The following TMEM120B variants were observed in gnomAD, a reference collection of about 807,000 sequenced individuals.
TMEM120B encodes transmembrane protein 120B.
A neutral mutation model predicts 55.5 loss-of-function variants in TMEM120B; 31 were observed. The observed-to-expected ratio is 0.56, with a 90% CI of 0.42 to 0.75. TMEM120B has a LOEUF of 0.75. Ranked by LOEUF, TMEM120B falls within the 30% of genes least tolerant of loss-of-function variation. The pLI is 0.00. For missense variants in TMEM120B, 399 were observed against 425.5 expected (o/e 0.94, Z 0.55); for synonymous variants, 203 against 176.3 (o/e 1.15, Z -1.20).
In TMEM120B at chr12:121,770,855, G is replaced by A. The variant is rs1408435409; in HGVS notation, c.552-52G>A. On this transcript the variant is annotated intron_variant, in intron 6 of 11. Transcript: ENST00000449592. ...TAGGTGGGGCCTCAGCGAGACACATGCCTGCGTTGCTCTCCCCTCCTGAGC... is the reference window on the plus strand; with the variant it reads ...TAGGTGGGGCCTCAGCGAGACACATACCTGCGTTGCTCTCCCCTCCTGAGC... 2.6e-6 allele frequency: 4 copies of A among 1,560,698 alleles called. No individual in the cohort carries two copies. In the East Asian group the frequency reaches 6.7e-5, roughly 26 times the overall value.
Position 121,775,879 on chromosome 12 carries a change from CTGTCCGCACAG to C in TMEM120B, c.*165_*175del. The C allele has an allele frequency of 1.3e-6, 1 of 757,652 alleles. No individual in the cohort carries two copies. The highest frequency in any genetic ancestry group is 2.7e-5 in the East Asian group (1 of 37,290). 46.9% of individuals were successfully genotyped at this position (757,652 alleles called of 1,614,324 possible). ...TGGTCTAGAGGAATGTGAGCCCCGCCTGTCCGCACAGTGTCCGCCCACCTATTTATGACATA... is the reference window on the plus strand; with the variant it reads ...TGGTCTAGAGGAATGTGAGCCCCGCCTGTCCGCCCACCTATTTATGACATA... On this transcript the variant is annotated 3_prime_UTR_variant, in exon 12 of 12. Coordinates refer to ENST00000449592, the MANE Select transcript of TMEM120B (RefSeq NM_001080825.2). This position sits in a 1 kb window ranked among gnomAD's most constrained non-coding sequence, Gnocchi z 4.3.
intron 1 of TMEM120B, among the ~76,000 whole-genome samples, chr12:121,730,647 CAAA>C (rs71079088): frequency 7.4e-5 from 7 of 94,508 alleles, no homozygotes; most frequent in Admixed American, 1.1e-4. Flanking sequence ...GAGACACAGT[CAAA>C]AAAAAAAAAA....
chr12:121,754,455 A>G (rs1417110850), intron 5 of TMEM120B, among the ~76,000 whole-genome samples: 1 of 152,160 alleles, frequency 6.6e-6, no homozygotes, highest in Non-Finnish European at 1.5e-5. Flanking sequence ...AAAACGACAG[A>G]CACATTTTCC....
chr12:121,767,203 C>A (rs771751340), intron 6 of TMEM120B, among the ~76,000 whole-genome samples: 7 of 152,202 alleles, frequency 4.6e-5, no homozygotes, highest in African/African-American at 7.2e-5. Flanking sequence ...CTCTGTCGCC[C>A]AGGCTGGAGT....
intron 1 of TMEM120B, among the ~76,000 whole-genome samples, chr12:121,716,076 T>C (rs1894695523): frequency 1.3e-5 from 2 of 150,228 alleles, no homozygotes; most frequent in Admixed American, 1.4e-4. Flanking sequence ...GGAGGACCGC[T>C]CCCAGCAGGA....
chr12:121,762,994 T>A (rs1001855849), intron 6 of TMEM120B, among the ~76,000 whole-genome samples: 4 of 152,132 alleles, frequency 2.6e-5, no homozygotes, highest in African/African-American at 9.7e-5. Context: ...TGAAGGGCTC[T>A]GAGTGCGAGA....
chr12:121,781,051 T>G lies in TMEM120B; in HGVS notation c.*5329T>G, dbSNP rs1874435422. The G allele has an allele frequency of 3.1e-6, 5 of 1,613,718 alleles. No individual in the cohort carries two copies. Among genetic ancestry groups the G allele is most frequent in the Non-Finnish European group, 4.2e-6 (5 of 1,179,840 alleles). On this transcript the variant is annotated 3_prime_UTR_variant, in exon 12 of 12. Transcript: ENST00000449592. ...GATCAGGGGTGCGGCCGGGCCCAGA[T>G]GTGGGGCCACCACCCAGGAGGCCGG...
At chr12:121,759,026 A>G (rs1873580908) in intron 5 of TMEM120B, 2 of 985,356 alleles carry the variant, frequency 2.0e-6, no homozygotes, top group Non-Finnish European at 2.4e-6. Context: ...GGATTTTTTT[A>G]TATATGTAAC....
Position 121,750,428 on chromosome 12 carries a change from C to T in TMEM120B, c.354C>T (p.Ser118=). ...VLGNVNVTLL[S]NQAKFAYKDE... ...GCAATGTGAACGTGACCCTCCTCAG[C>T]AACCAGGCCAAGTAAGTGTCCCCCA... Residue 118 remains serine, a synonymous_variant, in exon 4 of 12, where the codon AGC becomes AGT. Transcript: ENST00000449592. The T allele has an allele frequency of 6.2e-7, 1 of 1,612,310 alleles. No individual in the cohort carries two copies. Among genetic ancestry groups the T allele is most frequent in the Non-Finnish European group, 8.5e-7 (1 of 1,179,144 alleles).
chr12:121,714,867 A>G (rs1213915392), intron 1 of TMEM120B, among the ~76,000 whole-genome samples: 1 of 151,774 alleles, frequency 6.6e-6, no homozygotes, highest in East Asian at 1.9e-4. Context: ...GTCCTCAGCC[A>G]CTTCTTAATG....
intron 1 of TMEM120B, among the ~76,000 whole-genome samples, chr12:121,720,870 C>T (rs976903194): frequency 2.0e-5 from 3 of 152,168 alleles, no homozygotes; most frequent in Admixed American, 6.6e-5. Context: ...CTGTAAATGC[C>T]GTGAGATTCC....
chr12:121,780,686 G>A lies in TMEM120B; in HGVS notation c.*4964G>A. The A allele has an allele frequency of 1.5e-6, 1 of 666,882 alleles. No individual in the cohort carries two copies. Among genetic ancestry groups the A allele is most frequent in the Non-Finnish European group, 2.5e-6 (1 of 400,358 alleles). The allele number at this position is 666,882 out of a possible 1,614,324, so 41.3% of individuals were successfully genotyped here. ...ACAGCGCCTGCCTCCGAGTCCTAAGGATTGGGAGTAGTCGTGTAAAGTGCT... is the reference window on the plus strand; with the variant it reads ...ACAGCGCCTGCCTCCGAGTCCTAAGAATTGGGAGTAGTCGTGTAAAGTGCT... On this transcript the variant is annotated 3_prime_UTR_variant, in exon 12 of 12. Transcript: ENST00000449592.
Position 121,775,509 on chromosome 12 carries a change from G to A in TMEM120B, c.907-100G>A, listed in dbSNP as rs1389347430. 1 of 1,493,956 alleles carries A rather than the reference G, an allele frequency of 6.7e-7. No homozygotes were observed. Among genetic ancestry groups the A allele is most frequent in the East Asian group, 2.3e-5 (1 of 43,518 alleles). 92.5% of individuals were successfully genotyped at this position (1,493,956 alleles called of 1,614,324 possible). A position where few individuals can be genotyped will look rare whatever the true frequency, so the allele number is the denominator to read the frequency against. ...TTCGATGGCAAAACCCTGCAGTTTG[G>A]GAGTTTGGGGGCAGCTGTGCTGGAG... On this transcript the variant is annotated intron_variant, in intron 11 of 11. Coordinates refer to ENST00000449592, the MANE Select transcript of TMEM120B (RefSeq NM_001080825.2). This position sits in a 1 kb window ranked among gnomAD's most constrained non-coding sequence, Gnocchi z 4.3.
chr12:121,729,586 G>A (rs1405441328), intron 1 of TMEM120B, among the ~76,000 whole-genome samples: 1 of 150,900 alleles, frequency 6.6e-6, no homozygotes. Flanking sequence ...TGGGAGAATA[G>A]CGTCAGCCCA....
intron 1 of TMEM120B, among the ~76,000 whole-genome samples, chr12:121,741,169 G>A (rs944885482): frequency 2.0e-5 from 3 of 152,026 alleles, no homozygotes; most frequent in Non-Finnish European, 4.4e-5. Flanking sequence ...GGTGGTTTAC[G>A]AATGCCTGCT....
intron 8 of TMEM120B, 24 bp downstream of exon 8, chr12:121,771,573 G>A (rs1447776613): frequency 6.2e-7 from 1 of 1,610,372 alleles, no homozygotes; most frequent in South Asian, 1.1e-5. Context: ...GCCTGGATTT[G>A]GGGGAAGGGA....
intron 9 of TMEM120B, 139 bp from the exon 10 acceptor site, chr12:121,774,519 G>A: frequency 1.4e-6 from 1 of 737,184 alleles, no homozygotes; most frequent in Non-Finnish European, 2.2e-6. Context: ...GCTATGACAG[G>A]TGAGGGCTGA....
intron 1 of TMEM120B, among the ~76,000 whole-genome samples, chr12:121,726,536 G>A (rs960773580): frequency 1.3e-5 from 2 of 149,026 alleles, no homozygotes; most frequent in Non-Finnish European, 3.0e-5. Context: ...CCGAGATCGC[G>A]CTACTGCACT....
chr12:121,774,981 G>C, intron 10 of TMEM120B, 81 bp from the exon 11 acceptor site: 2 of 1,492,890 alleles, frequency 1.3e-6, no homozygotes, highest in Non-Finnish European at 1.9e-6. Flanking sequence ...AGTTGGGTGA[G>C]GGGCCTGGCC....
Sources: gnomAD v4.1 joint callset for allele counts (sites outside exome capture counted in the v4.1 genomes callset) on GRCh38, gnomAD v4.1.1 for gene constraint, Gnocchi (gnomAD v3.1) non-coding constraint, MANE v1.5 for transcripts, NCBI Gene and HGNC (gene_info 2026-07-23, HGNC 2026-07-21) for gene names.